DENND3: variants seen among roughly 807,000 people sequenced by gnomAD.
DENND3 encodes the protein DENN domain containing 3, also known as DENN domain-containing protein 3.
DENND3 carries 88 observed loss-of-function variants against 135.1 expected under a neutral mutation model. That is an observed-to-expected ratio of 0.65 (90% CI 0.55 to 0.78). The LOEUF is 0.78. Ranked by LOEUF, DENND3 falls within the 30% of genes least tolerant of loss-of-function variation. The pLI, the probability that DENND3 is intolerant of heterozygous loss-of-function variation, is 0.00. For missense variants in DENND3, 1,392 were observed against 1,688.4 expected, an observed-to-expected ratio of 0.82 and a Z score of 3.08; for synonymous variants, 693 against 712.3, an observed-to-expected ratio of 0.97 and a Z score of 0.43.
At chr8:141,160,175 TA>T (rs375298965) in intron 8 of DENND3, among the ~76,000 whole-genome samples, 47 of 118,818 alleles carry the variant, frequency 4.0e-4, no homozygotes, top group African/African-American at 1.5e-3. Context: ...TCCAGCGATG[TA>T]TTTTTTTTTT....
At chr8:141,193,113 CTG>C (rs567131098) in intron 22 of DENND3, 3 of 289,390 alleles carry the variant, frequency 1.0e-5, no homozygotes, top group Non-Finnish European at 2.0e-5. Context: ...CTCTCTCTCC[CTG>C]TGTGTGTCTC....
intron 1 of DENND3, among the ~76,000 whole-genome samples, chr8:141,135,152 CT>C (rs532006355): frequency 0.084 from 11,345 of 134,820 alleles, 1,213 homozygotes; most frequent in African/African-American, 0.27. Flanking sequence ...TTCTTTCTTT[CT>C]TTTTTTTTTT....
chr8:141,160,248 G>A lies in DENND3; in HGVS notation c.1197-384G>A, dbSNP rs1208524900. 3.3e-5 allele frequency among the ~76,000 whole-genome samples: 5 copies of A among 151,010 alleles called. No individual in the cohort carries two copies. In the East Asian group the frequency reaches 5.8e-4, roughly 18 times the overall value. On this transcript the variant is annotated intron_variant, in intron 8 of 22. Coordinates refer to ENST00000519811, the MANE Select transcript of DENND3 (RefSeq NM_001352890.3). ...GGCTAGAGTGCAGCGGCACTATCTC[G>A]GCTCACTACAACCTCCACCTCCCAG...
At chr8:141,158,165 T>C (rs1374919278) in intron 8 of DENND3, 2 of 1,289,546 alleles carry the variant, frequency 1.6e-6, no homozygotes, top group African/African-American at 1.5e-5. Context: ...TTGCTTGGGC[T>C]GTGGAATCGC....
intron 1 of DENND3, among the ~76,000 whole-genome samples, chr8:141,134,811 T>A (rs1816576349): frequency 6.6e-6 from 1 of 152,142 alleles, no homozygotes; most frequent in African/African-American, 2.4e-5. Flanking sequence ...TCAGCCAAGG[T>A]CCCATTTCTC....
At chr8:141,134,552 C>T (rs1336010094) in intron 1 of DENND3, among the ~76,000 whole-genome samples, 2 of 152,068 alleles carry the variant, frequency 1.3e-5, no homozygotes, top group African/African-American at 2.4e-5. Context: ...AGATTACAAG[C>T]GTAAGCCACC....
At position 141,128,621 on chromosome 8, in the gene DENND3, G is replaced by A. The variant is rs1445199977; in HGVS notation, c.-87G>A. ...GCGCTCGCAGCGCCCCCGGCCCCCA[G>A]GCGGCGCGGCTGGTCCCCAGGGGTC... is the stretch of plus-strand genomic sequence containing the variant. On this transcript the variant is annotated 5_prime_UTR_variant, in exon 1 of 23. Coordinates refer to ENST00000519811, the MANE Select transcript of DENND3 (RefSeq NM_001352890.3). The surrounding 1 kb of genome is among the most constrained non-coding windows in gnomAD (Gnocchi z 4.5). 1.2e-6 allele frequency: 1 copy of A among 812,938 alleles called. No homozygotes were observed. The allele number at this position is 812,938 out of a possible 1,614,324, so 50.4% of individuals were successfully genotyped here.
In DENND3 at chr8:141,163,286, T is replaced by C. The variant is rs764110819; in HGVS notation, c.1353-47T>C. Reference sequence around the variant, plus strand: ...GCTACTAAAAGTGGTATATTTTTCATGTATTTAAGAAAGTTTTAGCACTCA... The same window carrying C: ...GCTACTAAAAGTGGTATATTTTTCACGTATTTAAGAAAGTTTTAGCACTCA... On this transcript the variant is annotated intron_variant, in intron 9 of 22. Transcript: ENST00000519811. The C allele has an allele frequency of 7.2e-6, 8 of 1,117,578 alleles. No individual in the cohort carries two copies. In the South Asian group the frequency reaches 1.1e-4, roughly 15 times the overall value. The allele number at this position is 1,117,578 out of a possible 1,614,324, so 69.2% of individuals were successfully genotyped here. A position where few individuals can be genotyped will look rare whatever the true frequency, so the allele number is the denominator to read the frequency against.
At chr8:141,156,297 C>T (rs1819423010) in intron 8 of DENND3, among the ~76,000 whole-genome samples, 2 of 152,038 alleles carry the variant, frequency 1.3e-5, no homozygotes, top group African/African-American at 4.8e-5. Flanking sequence ...ACCATGTTGG[C>T]CAGGCTGGTC....
At chr8:141,160,894 G>A in intron 9 of DENND3, 107 bp downstream of exon 9, 1 of 1,418,776 alleles carries the variant, frequency 7.0e-7, no homozygotes. Context: ...AGTACCATTT[G>A]CCTGGCAAAC....
chr8:141,148,481 TCA>T (rs369837260), intron 5 of DENND3, among the ~76,000 whole-genome samples: 1 of 152,106 alleles, frequency 6.6e-6, no homozygotes, highest in Admixed American at 6.6e-5. Flanking sequence ...GTGCAAAATC[TCA>T]CACACACACA....
chr8:141,169,034 T>A (rs951012592), intron 13 of DENND3, among the ~76,000 whole-genome samples: 9 of 151,748 alleles, frequency 5.9e-5, no homozygotes, highest in African/African-American at 2.2e-4. Context: ...AATTTTTGTA[T>A]TTTTGTAGAG....
rs182784515 is a variant in DENND3 at position 141,154,009 on chromosome 8, C to A, written c.1075-1840C>A. The stretch of plus-strand genomic sequence containing the variant: ...GGAAGGAGCTGGCAGTGACCCTATG[C>A]GCCTCCACCAAACACTTGTGTCTCC... On this transcript the variant is annotated intron_variant, in intron 7 of 22. Coordinates refer to ENST00000519811, the MANE Select transcript of DENND3 (RefSeq NM_001352890.3). This position sits in a 1 kb window ranked among gnomAD's most constrained non-coding sequence, Gnocchi z 4.4. Among the ~76,000 whole-genome samples, 2 of 152,182 alleles carry A rather than the reference C, an allele frequency of 1.3e-5. No homozygotes were observed. Among genetic ancestry groups the A allele is most frequent in the Admixed American group, 1.3e-4 (2 of 15,280 alleles).
intron 18 of DENND3, among the ~76,000 whole-genome samples, chr8:141,186,823 G>A (rs1823951950): frequency 6.6e-6 from 1 of 152,120 alleles, no homozygotes; most frequent in South Asian, 2.1e-4. Context: ...GGCCCCTCCT[G>A]CCTGCAGACC....
At chr8:141,172,076 GGGTGGGTGTGCGCAGTGGT>G (rs1443126613) in intron 13 of DENND3, among the ~76,000 whole-genome samples, 1 of 146,806 alleles carries the variant, frequency 6.8e-6, no homozygotes, top group African/African-American at 2.6e-5. Context: ...ACGCTGCATA[GGGTGGGTGTGCGCAGTGGT>G]GGTGGGTGTG....
At position 141,155,889 on chromosome 8, in the gene DENND3, G is replaced by T; in HGVS notation, c.1115G>T (p.Ser372Ile). The change falls in exon 8 of 23, where the codon AGC (serine) becomes ATC (isoleucine). Residue 372 changes from serine (S) to isoleucine (I), a missense_variant. By Grantham distance (142) the Ser-to-Ile change is moderately radical. Transcript: ENST00000519811. ...GTTCTGATAAATATTGATCATGGGA[G>T]CATCACCTACTCCAAGTCCACGGAC... ...GLVLINIDHG[S>I]ITYSKSTDDN... The T allele has an allele frequency of 6.2e-7, 1 of 1,612,578 alleles. No individual in the cohort carries two copies. Among genetic ancestry groups the T allele is most frequent in the South Asian group, 1.1e-5 (1 of 90,856 alleles).
chr8:141,145,836 TATATATATATATATG>T (rs1569555474), intron 5 of DENND3, among the ~76,000 whole-genome samples: 12 of 82,192 alleles, frequency 1.5e-4, no homozygotes, highest in Middle Eastern at 5.2e-3. Flanking sequence ...TATATATATA[TATATATATATATATG>T]TATTTTTTTT....
intron 19 of DENND3, 120 bp downstream of exon 19, chr8:141,189,266 T>C: frequency 1.5e-6 from 2 of 1,366,746 alleles, no homozygotes; most frequent in Non-Finnish European, 2.0e-6. Context: ...CAGAGTGAAG[T>C]GGATCTAGAA....
At position 141,194,354 on chromosome 8, in the gene DENND3, GAGCCC is replaced by G. The variant is rs1407680675; in HGVS notation, c.*123_*127del. ...GGCAGAGCAGCCCAGGCTCAGCATG[GAGCCC>G]ACTTACCGTGTGGCCAGCCGCGAGA... On this transcript the variant is annotated 3_prime_UTR_variant, in exon 23 of 23. Transcript: ENST00000519811. The G allele has an allele frequency of 4.9e-6, 6 of 1,236,352 alleles. No individual in the cohort carries two copies. Among genetic ancestry groups the G allele is most frequent in the Non-Finnish European group, 6.7e-6 (6 of 890,972 alleles). The allele number at this position is 1,236,352 out of a possible 1,614,324, so 76.6% of individuals were successfully genotyped here.
Sources: allele counts gnomAD v4.1 joint callset (sites outside exome capture counted in the v4.1 genomes callset), GRCh38; gene constraint gnomAD v4.1.1; non-coding constraint Gnocchi (gnomAD v3.1); transcripts MANE v1.5; gene names NCBI Gene and HGNC (gene_info 2026-07-23, HGNC 2026-07-21).